Variants in DGKB observed in about 807,000 individuals in gnomAD.
DGKB encodes the protein diacylglycerol kinase beta.
Under a neutral mutation model 114.3 loss-of-function variants are expected in DGKB, and 67 were observed. The ratio of observed to expected loss-of-function variants is 0.59; its 90% CI spans 0.48 to 0.72. The LOEUF (loss-of-function observed/expected upper bound fraction) is 0.72. Ranked by LOEUF, DGKB falls within the 30% of genes least tolerant of loss-of-function variation. DGKB has a pLI of 0.00. For missense variants in DGKB, 907 were observed against 975.2 expected (o/e 0.93, Z 0.93); for synonymous variants, 398 against 323.1 (o/e 1.23, Z -2.49).
intron 14 of DGKB, among the ~76,000 whole-genome samples, chr7:14,626,413 C>A (rs1585183743): frequency 6.6e-6 from 1 of 152,206 alleles, no homozygotes; most frequent in East Asian, 1.9e-4. Context: ...GCACAACTTG[C>A]CTGAATGGAG....
At chr7:14,626,823 T>A (rs1176917529) in intron 14 of DGKB, among the ~76,000 whole-genome samples, 2 of 152,176 alleles carry the variant, frequency 1.3e-5, no homozygotes, top group Non-Finnish European at 1.5e-5. Flanking sequence ...TCTAAAGATT[T>A]TTATTTCTTT....
At chr7:14,790,614 G>C (rs1840535510) in intron 2 of DGKB, among the ~76,000 whole-genome samples, 1 of 151,910 alleles carries the variant, frequency 6.6e-6, no homozygotes, top group African/African-American at 2.4e-5. Flanking sequence ...AATTATTTAG[G>C]CATATTTTTA....
chr7:14,356,352 CTTTTTTTTTTTTT>C (rs997102742), intron 21 of DGKB, among the ~76,000 whole-genome samples: 320 of 77,224 alleles, frequency 4.1e-3, no homozygotes, highest in African/African-American at 0.015. Flanking sequence ...TTCTCTAGTT[CTTTTTTTTTTTTT>C]TTTTTTTTTT....
At chr7:14,793,497 A>C (rs1025953460) in intron 2 of DGKB, among the ~76,000 whole-genome samples, 1 of 152,146 alleles carries the variant, frequency 6.6e-6, no homozygotes. Context: ...CCTGAGCCTC[A>C]GGATCTTCAG....
chr7:14,811,258 A>T (rs761014261), intron 2 of DGKB, among the ~76,000 whole-genome samples: 1 of 152,124 alleles, frequency 6.6e-6, no homozygotes, highest in Non-Finnish European at 1.5e-5. Flanking sequence ...CCTAGGCTGG[A>T]GTGCAGTGGT....
At chr7:14,214,850 A>C (rs563530080) in intron 23 of DGKB, among the ~76,000 whole-genome samples, 1 of 152,280 alleles carries the variant, frequency 6.6e-6, no homozygotes, top group Admixed American at 6.5e-5. Flanking sequence ...GGAATACAGT[A>C]CTGAATTGAG....
intron 18 of DGKB, among the ~76,000 whole-genome samples, chr7:14,581,933 G>A (rs941120369): frequency 2.0e-5 from 3 of 152,112 alleles, no homozygotes; most frequent in African/African-American, 7.2e-5. Flanking sequence ...TTGTTTAATG[G>A]AAGGCCAGAT....
At chr7:14,518,722 A>T (rs1789253451) in intron 20 of DGKB, among the ~76,000 whole-genome samples, 1 of 151,902 alleles carries the variant, frequency 6.6e-6, no homozygotes, top group Admixed American at 6.6e-5. Context: ...TCCATCACCC[A>T]GGGCATTTGG....
chr7:14,337,879 TG>T (rs1399692532), intron 23 of DGKB, among the ~76,000 whole-genome samples: 2 of 152,136 alleles, frequency 1.3e-5, no homozygotes, highest in African/African-American at 4.8e-5. Flanking sequence ...TTAGGTATCA[TG>T]TCCCAATGAG....
At chr7:14,929,752 G>A (rs1247078062) in intron 1 of DGKB, among the ~76,000 whole-genome samples, 1 of 151,840 alleles carries the variant, frequency 6.6e-6, no homozygotes, top group Non-Finnish European at 1.5e-5. Flanking sequence ...TATTTTTGTT[G>A]TTGTTGCCTA....
chr7:14,918,498 C>T (rs1231859462), intron 1 of DGKB, among the ~76,000 whole-genome samples: 4 of 152,084 alleles, frequency 2.6e-5, no homozygotes, highest in African/African-American at 7.2e-5. Context: ...AAACACAATA[C>T]CATTTACTCT....
intron 2 of DGKB, among the ~76,000 whole-genome samples, chr7:14,832,070 C>T (rs1374061282): frequency 6.6e-6 from 1 of 152,016 alleles, no homozygotes; most frequent in Non-Finnish European, 1.5e-5. Context: ...TGGTGGTTTG[C>T]AGTTTACAAT....
At chr7:14,268,211 CCACACA>C (rs10699466) in intron 23 of DGKB, among the ~76,000 whole-genome samples, 3 of 150,192 alleles carry the variant, frequency 2.0e-5, no homozygotes, top group Non-Finnish European at 4.5e-5. Context: ...AGTCACTGTA[CCACACA>C]CACACACACA....
At chr7:14,662,124 G>T (rs1243701004) in intron 13 of DGKB, among the ~76,000 whole-genome samples, 4 of 152,096 alleles carry the variant, frequency 2.6e-5, no homozygotes, top group Non-Finnish European at 2.9e-5. Flanking sequence ...GTTAGTGGGT[G>T]CAGCGCACCA....
chr7:14,595,841 T>A (rs1303835494), intron 17 of DGKB, among the ~76,000 whole-genome samples: 1 of 152,092 alleles, frequency 6.6e-6, no homozygotes, highest in Non-Finnish European at 1.5e-5. Context: ...AAATTGATGA[T>A]TTATTAGGAA....
intron 6 of DGKB, among the ~76,000 whole-genome samples, chr7:14,706,023 A>G (rs1252163928): frequency 2.0e-5 from 3 of 151,500 alleles, no homozygotes; most frequent in Admixed American, 1.3e-4. Context: ...AGACTGGCAA[A>G]TTGGATAAAG....
intron 21 of DGKB, among the ~76,000 whole-genome samples, chr7:14,461,534 C>T (rs1284855799): frequency 6.6e-6 from 1 of 152,020 alleles, no homozygotes; most frequent in East Asian, 1.9e-4. Flanking sequence ...GACACATACA[C>T]CCTCCCAAGA....
chr7:14,718,366 T>C (rs17669620), intron 6 of DGKB, among the ~76,000 whole-genome samples, 176 bp downstream of exon 6: 3,953 of 152,278 alleles, frequency 0.026, 84 homozygotes, highest in South Asian at 0.047. Flanking sequence ...CTGAAATTAA[T>C]AGATCTTAAT....
chr7:14,677,282 C>A (rs1820037302), intron 12 of DGKB, among the ~76,000 whole-genome samples: 1 of 151,796 alleles, frequency 6.6e-6, no homozygotes, highest in African/African-American at 2.4e-5. Context: ...AATAAGTGTT[C>A]ATAGGAATTT....
Sources: gnomAD v4.1 joint callset for allele counts (sites outside exome capture counted in the v4.1 genomes callset) on GRCh38, gnomAD v4.1.1 for gene constraint, MANE v1.5 for transcripts, NCBI Gene and HGNC (gene_info 2026-07-23, HGNC 2026-07-21) for gene names.